Variants in SNX31 observed in about 807,000 individuals in gnomAD.
SNX31 encodes sorting nexin 31.
In SNX31, 58 loss-of-function variants were observed where a neutral mutation model predicts 65.4. The ratio of observed to expected loss-of-function variants is 0.89; its 90% CI spans 0.72 to 1.10. The LOEUF (loss-of-function observed/expected upper bound fraction) is 1.10, where lower values mean the gene tolerates loss of function less well. Among genes scored for constraint, SNX31 ranks in the 50% least tolerant of loss-of-function variants. The pLI is 0.00. For synonymous variants in SNX31, 181 were observed against 190.1 expected (o/e 0.95, Z 0.39); for missense variants, 523 against 529.7 (o/e 0.99, Z 0.12).
chr8:100,583,999 C>A, intron 12 of SNX31, 112 bp downstream of exon 12: 1 of 902,278 alleles, frequency 1.1e-6, no homozygotes, highest in East Asian at 3.0e-5. Context: ...GGAGTCCTCC[C>A]TTTAGGACTA....
Position 100,596,991 on chromosome 8 carries a change from T to A in SNX31, c.775-149A>T, listed in dbSNP as rs1586893923. 14 of 680,412 alleles carry A rather than the reference T, an allele frequency of 2.1e-5. No individual in the cohort carries two copies. The East Asian group carries it at 3.8e-4, about 18-fold the overall frequency. The allele number at this position is 680,412 out of a possible 1,614,324, so 42.1% of individuals were successfully genotyped here. On this transcript the variant is annotated intron_variant, in intron 9 of 13. Coordinates refer to ENST00000311812, the MANE Select transcript of SNX31 (RefSeq NM_152628.4). The stretch of plus-strand genomic sequence containing the variant: ...CAGTGAAAGCTCCTTTTCTTGATCC[T>A]ACACATAGAGATAATGCCCCTGGTG...
intron 2 of SNX31, among the ~76,000 whole-genome samples, chr8:100,641,109 A>C (rs558617286): frequency 2.0e-5 from 3 of 152,102 alleles, no homozygotes; most frequent in Non-Finnish European, 2.9e-5. Flanking sequence ...TTAAAAAAAA[A>C]CTGATGTTCT....
chr8:100,647,789 AGAG>A (rs1221522943), intron 2 of SNX31, among the ~76,000 whole-genome samples: 1 of 152,176 alleles, frequency 6.6e-6, no homozygotes, highest in Non-Finnish European at 1.5e-5. Flanking sequence ...GCAGGAAAAC[AGAG>A]GAGGGTAGGA....
intron 1 of SNX31, among the ~76,000 whole-genome samples, chr8:100,661,688 C>T (rs3132880): frequency 0.6 from 90,962 of 151,504 alleles, 30,089 homozygotes; most frequent in African/African-American, 0.9. Context: ...CCACCACACA[C>T]GGCCAGTTTT....
At chr8:100,596,610 T>C in intron 10 of SNX31, 29 bp downstream of exon 10, 2 of 1,601,986 alleles carry the variant, frequency 1.2e-6, no homozygotes, top group Non-Finnish European at 1.7e-6. Context: ...TTTTAAGTCA[T>C]GGGCAAAGCA....
In SNX31 at chr8:100,588,391, G is replaced by A. The variant is rs1383678870; in HGVS notation, c.1092+475C>T. 6.6e-6 allele frequency among the ~76,000 whole-genome samples: 1 copy of A among 152,170 alleles called. No individual in the cohort carries two copies. On this transcript the variant is annotated intron_variant, in intron 11 of 13. Coordinates refer to ENST00000311812, the MANE Select transcript of SNX31 (RefSeq NM_152628.4). The surrounding 1 kb of genome is among the most constrained non-coding windows in gnomAD (Gnocchi z 4.8). ...TACCTTCAGTATTTTTATTAACTAAGATCATAAAAATCTGTATTGCCTAAG... is the reference window on the plus strand; with the variant it reads ...TACCTTCAGTATTTTTATTAACTAAAATCATAAAAATCTGTATTGCCTAAG...
At chr8:100,642,434 T>G (rs1029389367) in intron 2 of SNX31, among the ~76,000 whole-genome samples, 8 of 152,228 alleles carry the variant, frequency 5.3e-5, no homozygotes, top group African/African-American at 9.6e-5. Context: ...TGCAAGACAG[T>G]ATCTTGGGGA....
rs1812804111 is a variant in SNX31, at chr8:100,573,784, T to C, written c.*81A>G. ...GAGGTCAAATTTCCTCCACTGATGG[T>C]AGGTAGCCCACCTGAATCCCCAAGT... On this transcript the variant is annotated 3_prime_UTR_variant, in exon 14 of 14. Transcript: ENST00000311812. The C allele has an allele frequency of 1.1e-6, 1 of 919,468 alleles. No homozygotes were observed. The highest frequency in any genetic ancestry group is 1.8e-5 in the South Asian group (1 of 55,202). The allele number at this position is 919,468 out of a possible 1,614,324, so 57.0% of individuals were successfully genotyped here.
intron 2 of SNX31, among the ~76,000 whole-genome samples, chr8:100,636,413 A>G (rs1587045127): frequency 1.3e-5 from 2 of 152,222 alleles, no homozygotes; most frequent in Admixed American, 6.5e-5. Context: ...GAACTTGACA[A>G]ATGCTTACAG....
rs761496684 is a variant in SNX31 at position 100,604,177 on chromosome 8, C to T, written c.682-3736G>A. On this transcript the variant is annotated intron_variant, in intron 8 of 13. Transcript: ENST00000311812. This position sits in a 1 kb window ranked among gnomAD's most constrained non-coding sequence, Gnocchi z 4.3. ...GTCTAGACAAGTCTACTCAGTTACA[C>T]GGTTCCCTGAACACTGGCTGAGAGG... 5.9e-5 allele frequency among the ~76,000 whole-genome samples: 9 copies of T among 152,046 alleles called. No individual in the cohort carries two copies. Among genetic ancestry groups the T allele is most frequent in the Admixed American group, 2.0e-4 (3 of 15,272 alleles).
chr8:100,651,398 T>G (rs1341101815), upstream of SNX31, among the ~76,000 whole-genome samples: 1 of 152,204 alleles, frequency 6.6e-6, no homozygotes, highest in Non-Finnish European at 1.5e-5. Flanking sequence ...GACCCAGAAG[T>G]GGCCCCAGCT....
exon 1 of SNX31, chr8:100,663,215 T>C (rs1831990048): frequency 6.6e-6 from 1 of 150,900 alleles, no homozygotes; most frequent in African/African-American, 2.5e-5. Flanking sequence ...TGCAATATAC[T>C]CCGTCTAACA....
chr8:100,618,471 CA>C (rs766927703), intron 4 of SNX31: 74 of 668,474 alleles, frequency 1.1e-4, no homozygotes, highest in Non-Finnish European at 1.6e-4. Context: ...GGCTGTCCAA[CA>C]ATTCAATTCA....
In SNX31 at chr8:100,610,329, G is replaced by T. The variant is rs1020459667; in HGVS notation, c.611+1671C>A. ...CCTTTGATCTCAGGTTTTATGAAGC[G>T]CACATGAGTGAAAATCTAAGCCCCA... On this transcript the variant is annotated intron_variant, in intron 7 of 13. Transcript: ENST00000311812. The surrounding 1 kb of genome is among the most constrained non-coding windows in gnomAD (Gnocchi z 4.0). 1.0e-4 allele frequency among the ~76,000 whole-genome samples: 15 copies of T among 150,000 alleles called. No homozygotes were observed. Among genetic ancestry groups the T allele is most frequent in the African/African-American group, 3.4e-4 (14 of 40,618 alleles).
At chr8:100,641,560 AAAAAAATATATATATAT>A (rs1280756887) in intron 2 of SNX31, among the ~76,000 whole-genome samples, 3 of 30,788 alleles carry the variant, frequency 9.7e-5, no homozygotes, top group Non-Finnish European at 1.6e-4. Flanking sequence ...AAAAAAAAAA[AAAAAAATATATATATAT>A]ATATATATAT....
chr8:100,631,118 C>A (rs1029407754), intron 3 of SNX31, among the ~76,000 whole-genome samples: 3 of 151,930 alleles, frequency 2.0e-5, no homozygotes, highest in African/African-American at 7.3e-5. Flanking sequence ...TAGGAGTTCT[C>A]GAGATGTTAC....
intron 1 of SNX31, among the ~76,000 whole-genome samples, chr8:100,658,179 A>G (rs983495858): frequency 1.3e-5 from 2 of 152,122 alleles, no homozygotes; most frequent in African/African-American, 4.8e-5. Flanking sequence ...CGAGTGAGTA[A>G]AACCCACTGT....
At chr8:100,639,249 G>A (rs545031399) in intron 2 of SNX31, among the ~76,000 whole-genome samples, 4 of 152,326 alleles carry the variant, frequency 2.6e-5, no homozygotes, top group African/African-American at 9.6e-5. Context: ...GGAATCCGAG[G>A]ATGGAATGTA....
intron 8 of SNX31, among the ~76,000 whole-genome samples, chr8:100,605,479 A>G (rs931268945): frequency 2.0e-5 from 3 of 152,130 alleles, no homozygotes; most frequent in Admixed American, 6.6e-5. Flanking sequence ...ATCAACTACA[A>G]TTTTTTGGAG....
Sources: allele counts gnomAD v4.1 joint callset (sites outside exome capture counted in the v4.1 genomes callset), GRCh38; gene constraint gnomAD v4.1.1; non-coding constraint Gnocchi (gnomAD v3.1); transcripts MANE v1.5; gene names NCBI Gene and HGNC (gene_info 2026-07-23, HGNC 2026-07-21).